The following FHAD1 variants were observed in gnomAD, a reference collection of about 807,000 sequenced individuals.
FHAD1 encodes the protein forkhead associated phosphopeptide binding domain 1.
FHAD1 carries 146 observed loss-of-function variants against 191.3 expected under a neutral mutation model. The observed-to-expected ratio is 0.76, with a 90% CI of 0.67 to 0.88. The LOEUF (loss-of-function observed/expected upper bound fraction) is 0.88, where lower values mean the gene tolerates loss of function less well. Ranked by LOEUF, FHAD1 falls within the 40% of genes least tolerant of loss-of-function variation. The pLI is 0.00. For missense variants in FHAD1, 1,635 were observed against 1,785.8 expected (o/e 0.92, Z 1.52); for synonymous variants, 616 against 672.3 (o/e 0.92, Z 1.29).
upstream of FHAD1, among the ~76,000 whole-genome samples, chr1:15,246,283 G>A (rs559302383): frequency 5.3e-5 from 8 of 152,298 alleles, no homozygotes; most frequent in African/African-American, 1.7e-4. Context: ...CTTCCAACAC[G>A]TGGGGAGTGC....
chr1:15,379,590 C>T (rs1700441067), intron 28 of FHAD1, among the ~76,000 whole-genome samples: 1 of 152,198 alleles, frequency 6.6e-6, no homozygotes, highest in African/African-American at 2.4e-5. Context: ...GGGGGACGGT[C>T]AGGTCTTTCC....
intron 18 of FHAD1, among the ~76,000 whole-genome samples, chr1:15,348,727 C>A (rs533269148): frequency 2.0e-5 from 3 of 152,174 alleles, no homozygotes; most frequent in Admixed American, 6.5e-5. Context: ...GTCGAGAGCT[C>A]TTTATTCAGG....
intron 7 of FHAD1, among the ~76,000 whole-genome samples, chr1:15,309,860 A>G (rs1671709534): frequency 6.6e-6 from 1 of 152,098 alleles, no homozygotes; most frequent in Non-Finnish European, 1.5e-5. Flanking sequence ...TGGGAACGGT[A>G]TGCTGGGCAG....
chr1:15,285,747 A>G (rs989372444), intron 3 of FHAD1, among the ~76,000 whole-genome samples: 6 of 152,178 alleles, frequency 3.9e-5, no homozygotes, highest in Non-Finnish European at 8.8e-5. Context: ...GCTCAAAACC[A>G]GCTTCTCTGT....
rs1490821342 is a variant in FHAD1 at position 15,301,236 on chromosome 1, T to C, written c.710T>C (p.Val237Ala). The change falls in exon 6 of 34, where the codon GTC (valine) becomes GCC (alanine). Residue 237 changes from valine (V) to alanine (A), a missense_variant. Coordinates refer to ENST00000688493, the MANE Select transcript of FHAD1 (RefSeq NM_001391957.1). ...DEIILLLGKEVSRLSDYEIES... is the reference protein window; with the variant it reads ...DEIILLLGKEASRLSDYEIES... ...ATAATTCTGCTGCTGGGAAAAGAGGTCAGCCGTCTCTCAGATTATGAAATT... is the reference window on the plus strand; with the variant it reads ...ATAATTCTGCTGCTGGGAAAAGAGGCCAGCCGTCTCTCAGATTATGAAATT... 1 of 1,551,416 alleles carries C rather than the reference T, an allele frequency of 6.4e-7. No individual in the cohort carries two copies.
Position 15,393,762 on chromosome 1 carries a change from CT to C in FHAD1, c.4323+2500del, listed in dbSNP as rs370980776. On this transcript the variant is annotated intron_variant, in intron 33 of 33. Coordinates refer to ENST00000688493, the MANE Select transcript of FHAD1 (RefSeq NM_001391957.1). ...GGATTTTAGACATGAGCCACTGCCCCTGGCCTCTTTTTTTTTTTTTAAGTAA... is the reference window on the plus strand; with the variant it reads ...GGATTTTAGACATGAGCCACTGCCCCGGCCTCTTTTTTTTTTTTTAAGTAA... 4.7e-3 allele frequency among the ~76,000 whole-genome samples: 714 copies of C among 151,928 alleles called. 8 individuals are homozygous for C. The highest frequency in any genetic ancestry group is 0.015 in the African/African-American group (604 of 41,390).
At chr1:15,379,632 A>G (rs1307816467) in intron 28 of FHAD1, among the ~76,000 whole-genome samples, 2 of 152,180 alleles carry the variant, frequency 1.3e-5, no homozygotes, top group African/African-American at 4.8e-5. Context: ...AGACTTTCAC[A>G]TGGGGAGAAA....
chr1:15,323,698 G>A (rs1238439432), intron 10 of FHAD1, among the ~76,000 whole-genome samples: 1 of 152,188 alleles, frequency 6.6e-6, no homozygotes, highest in Non-Finnish European at 1.5e-5. Context: ...GAACTGAGCA[G>A]CTGCAGGGTC....
At chr1:15,319,717 C>A (rs1159272649) in intron 10 of FHAD1, among the ~76,000 whole-genome samples, 1 of 152,180 alleles carries the variant, frequency 6.6e-6, no homozygotes, top group Non-Finnish European at 1.5e-5. Flanking sequence ...CACAGACAGA[C>A]AGACCTGTGA....
chr1:15,380,231 G>C (rs1570479656), intron 28 of FHAD1, among the ~76,000 whole-genome samples: 1 of 152,124 alleles, frequency 6.6e-6, no homozygotes, highest in African/African-American at 2.4e-5. Context: ...AGTGTTTCCA[G>C]GCCTTAGCAC....
intron 28 of FHAD1, among the ~76,000 whole-genome samples, chr1:15,375,965 A>G (rs576820164): frequency 1.1e-3 from 167 of 152,310 alleles, no homozygotes; most frequent in Non-Finnish European, 1.9e-3. Context: ...GGGCCACGTT[A>G]ATCGCTGAAG....
At chr1:15,379,819 ACACAG>A (rs1232503516) in intron 28 of FHAD1, among the ~76,000 whole-genome samples, 5 of 152,230 alleles carry the variant, frequency 3.3e-5, no homozygotes, top group Non-Finnish European at 7.3e-5. Context: ...CCTGAGTTTG[ACACAG>A]CACATGTTTC....
chr1:15,369,539 G>A (rs1697498297), intron 26 of FHAD1, 37 bp downstream of exon 26: 1 of 1,548,418 alleles, frequency 6.5e-7, no homozygotes, highest in Non-Finnish European at 8.7e-7. Flanking sequence ...GGAAGGATGT[G>A]CAAAGACACA....
chr1:15,380,650 A>G (rs1700693780), intron 28 of FHAD1, 51 bp from the exon 29 acceptor site: 10 of 1,426,890 alleles, frequency 7.0e-6, no homozygotes, highest in Non-Finnish European at 9.7e-6. Flanking sequence ...CCAGTCATAG[A>G]AAGTCATAAT....
chr1:15,375,247 C>G (rs763418132), intron 27 of FHAD1, among the ~76,000 whole-genome samples: 38 of 152,138 alleles, frequency 2.5e-4, no homozygotes, highest in Non-Finnish European at 5.1e-4. Context: ...TTACAGTACC[C>G]CCTTTAGAGG....
At position 15,276,914 on chromosome 1, in the gene FHAD1, C is replaced by T. The variant is rs560247115; in HGVS notation, c.300+4385C>T. On this transcript the variant is annotated intron_variant, in intron 3 of 33. Transcript: ENST00000688493. The surrounding 1 kb of genome is among the most constrained non-coding windows in gnomAD (Gnocchi z 4.7). ...GAGGCATAACCTACAGGGCCATTTG[C>T]GATGCCCTGAAGCAACTGTTGAGTA... Among the ~76,000 whole-genome samples the T allele has an allele frequency of 9.9e-4, 146 of 147,554 alleles. No individual in the cohort carries two copies. The highest frequency in any genetic ancestry group is 3.5e-3 in the African/African-American group (143 of 41,218).
intron 16 of FHAD1, chr1:15,343,834 T>C (rs1687771855): frequency 6.6e-6 from 1 of 152,220 alleles, no homozygotes; most frequent in African/African-American, 2.4e-5. Flanking sequence ...TCTTCTCTGA[T>C]TACCTTCTCC....
rs182131431 is a variant in FHAD1 at position 15,272,335 on chromosome 1, G to A, written c.106G>A (p.Asp36Asn). The change falls in exon 3 of 34, where the codon GAC becomes AAC. Residue 36 changes from aspartate to asparagine, a missense_variant. Asp to Asn is a conservative substitution (Grantham distance 23). Transcript: ENST00000688493. ...SDLVLQSPDIDNHHALIEYNE... is the reference protein window; with the variant it reads ...SDLVLQSPDINNHHALIEYNE... ...TTCTCCGTTGCAGTCTCCTGACATC[G>A]ACAACCACCATGCACTCATTGAATA... 78 of 1,549,966 alleles carry A rather than the reference G, an allele frequency of 5.0e-5. 1 individual carries two copies. The highest frequency in any genetic ancestry group is 3.7e-4 in the Admixed American group (19 of 50,984).
chr1:15,308,871 C>T (rs1408781815), intron 7 of FHAD1, 135 bp downstream of exon 7: 1 of 1,341,724 alleles, frequency 7.5e-7, no homozygotes, highest in Non-Finnish European at 1.0e-6. Flanking sequence ...CCCAGCAGCC[C>T]TTTAGGCAGT....
Sources: gnomAD v4.1 joint callset for allele counts (sites outside exome capture counted in the v4.1 genomes callset) on GRCh38, gnomAD v4.1.1 for gene constraint, Gnocchi (gnomAD v3.1) non-coding constraint, MANE v1.5 for transcripts, NCBI Gene and HGNC (gene_info 2026-07-23, HGNC 2026-07-21) for gene names.